GLB1L2: variants seen among roughly 807,000 people sequenced by gnomAD.
GLB1L2 encodes galactosidase beta 1 like 2, also known as beta-galactosidase-1-like protein 2.
GLB1L2 carries 68 observed loss-of-function variants against 84.1 expected under a neutral mutation model. The observed-to-expected ratio is 0.81, with a 90% confidence interval of 0.67 to 0.99. The LOEUF is 0.99. Ranked by LOEUF, GLB1L2 falls within the 50% of genes least tolerant of loss-of-function variation. The pLI is 0.00. For synonymous variants in GLB1L2, 290 were observed against 318.0 expected, an observed-to-expected ratio of 0.91 and a Z score of 0.94; for missense variants, 762 against 805.6, an observed-to-expected ratio of 0.95 and a Z score of 0.66.
intron 14 of GLB1L2, 95 bp from the exon 15 acceptor site, chr11:134,371,657 C>A: frequency 7.8e-7 from 1 of 1,277,392 alleles, no homozygotes; most frequent in Non-Finnish European, 1.1e-6. Flanking sequence ...ACACTCCCAT[C>A]CCCAGAGCGT....
chr11:134,374,502 G>A (rs1288724604), intron 17 of GLB1L2, 100 bp from the exon 18 acceptor site: 10 of 942,758 alleles, frequency 1.1e-5, no homozygotes, highest in African/African-American at 6.4e-5. Context: ...GACACAGCTC[G>A]CTTTGGTCTC....
intron 15 of GLB1L2, chr11:134,372,566 A>C (rs558762856): frequency 6.6e-6 from 1 of 151,980 alleles, no homozygotes; most frequent in Admixed American, 6.6e-5. Context: ...CTTCCTTTTT[A>C]AAAAAAATCT....
chr11:134,352,856 C>T (rs1011030646), intron 5 of GLB1L2, among the ~76,000 whole-genome samples: 3 of 152,018 alleles, frequency 2.0e-5, no homozygotes, highest in Non-Finnish European at 4.4e-5. Context: ...CCTTGTTGGC[C>T]GGGCTGGTCT....
At position 134,373,786 on chromosome 11, in the gene GLB1L2, A is replaced by G. The variant is rs540074169; in HGVS notation, c.1573A>G (p.Met525Val). 2 of 1,611,002 alleles carry G rather than the reference A, an allele frequency of 1.2e-6. No individual in the cohort carries two copies. Among genetic ancestry groups the G allele is most frequent in the East Asian group, 2.2e-5 (1 of 44,862 alleles). ...AAACTTCAGAATCTATAGCCTGGATATGAAGAAGAGCTTCTTTCAGAGGTG... is the reference window on the plus strand; with the variant it reads ...AAACTTCAGAATCTATAGCCTGGATGTGAAGAAGAGCTTCTTTCAGAGGTG... ...LKNFRIYSLD[M>V]KKSFFQRFGL... Residue 525 changes from methionine (M) to valine (V), a missense_variant, in exon 16 of 19, where the codon ATG becomes GTG. This residue lies in a region of GLB1L2 where 603 missense variants were observed against 611.7 expected (regional missense o/e 0.99). Coordinates refer to ENST00000535456, the MANE Select transcript of GLB1L2 (RefSeq NM_001370461.1).
chr11:134,363,419 G>C (rs1027323644), intron 7 of GLB1L2, among the ~76,000 whole-genome samples: 6 of 152,334 alleles, frequency 3.9e-5, no homozygotes, highest in African/African-American at 1.2e-4. Context: ...TGTGTGCCTA[G>C]GCTGTGCCTG....
intron 7 of GLB1L2, chr11:134,359,825 C>G (rs749313300): frequency 6.6e-6 from 1 of 152,384 alleles, no homozygotes; most frequent in East Asian, 1.9e-4. Flanking sequence ...TTGCTCACAC[C>G]GTTTCACCCT....
At chr11:134,353,182 G>T (rs1943656294) in intron 5 of GLB1L2, among the ~76,000 whole-genome samples, 1 of 152,110 alleles carries the variant, frequency 6.6e-6, no homozygotes, top group African/African-American at 2.4e-5. Context: ...GCCGAGGCAA[G>T]TGGAACACTT....
At chr11:134,332,657 G>A (rs986296920) in intron 1 of GLB1L2, among the ~76,000 whole-genome samples, 1 of 152,148 alleles carries the variant, frequency 6.6e-6, no homozygotes, top group Non-Finnish European at 1.5e-5. Context: ...CAGTGTCCGT[G>A]GGCCTCCAAG....
At chr11:134,351,333 T>A (rs1225510301) in intron 5 of GLB1L2, among the ~76,000 whole-genome samples, 1 of 144,900 alleles carries the variant, frequency 6.9e-6, no homozygotes, top group Non-Finnish European at 1.5e-5. Flanking sequence ...CATTGATTGA[T>A]TCTTTTTCTT....
At chr11:134,364,523 C>T (rs1943840015) in intron 8 of GLB1L2, 125 bp downstream of exon 8, 13 of 745,528 alleles carry the variant, frequency 1.7e-5, no homozygotes, top group Middle Eastern at 3.7e-4. Context: ...TGGCCTCTGG[C>T]CCCCCGCCCA....
Position 134,370,959 on chromosome 11 carries a change from AC to A in GLB1L2, c.1216-45del. The A allele has an allele frequency of 6.2e-7, 1 of 1,606,484 alleles. No individual in the cohort carries two copies. Among genetic ancestry groups the A allele is most frequent in the Non-Finnish European group, 8.5e-7 (1 of 1,176,160 alleles). ...AGCCCCCAGGCAGAGTCTGTCTGTG[AC>A]CCCACTCCTCCTGAGCCTGCCCACC... On this transcript the variant is annotated intron_variant, in intron 12 of 18. Coordinates refer to ENST00000535456, the MANE Select transcript of GLB1L2 (RefSeq NM_001370461.1). The surrounding 1 kb of genome is among the most constrained non-coding windows in gnomAD (Gnocchi z 4.7).
At chr11:134,332,525 C>G (rs1943316438) in intron 1 of GLB1L2, among the ~76,000 whole-genome samples, 1 of 152,160 alleles carries the variant, frequency 6.6e-6, no homozygotes, top group Non-Finnish European at 1.5e-5. Context: ...AGAGCTCCCT[C>G]TGCCCTTCCC....
chr11:134,335,669 C>A (rs1440611538), intron 1 of GLB1L2, among the ~76,000 whole-genome samples: 1 of 152,106 alleles, frequency 6.6e-6, no homozygotes, highest in Non-Finnish European at 1.5e-5. Flanking sequence ...GACAAAGAGC[C>A]TGGGCTGCAG....
rs774412808 is a variant in GLB1L2, at chr11:134,359,113, TG to T, written c.708del (p.Leu237Ter). 1 of 1,604,544 alleles carries T rather than the reference TG, an allele frequency of 6.2e-7. No homozygotes were observed. The highest frequency in any genetic ancestry group is 8.5e-7 in the Non-Finnish European group (1 of 1,175,394). Reference protein sequence around the residue: ...ELLLTSDNKDGLSKGIVQGVL... With the variant: ...ELLLTSDNKDXLSKGIVQGVL... ...TGCTCCTGACTTCAGACAACAAGGA[TG>T]GGCTGAGCAAGGGGATTGTCCAGGG... On this transcript the variant is annotated frameshift_variant, in exon 7 of 19. Coordinates refer to ENST00000535456, the MANE Select transcript of GLB1L2 (RefSeq NM_001370461.1). LOFTEE classifies it high-confidence loss of function.
chr11:134,348,102 G>T (rs771138171), intron 5 of GLB1L2, among the ~76,000 whole-genome samples: 15 of 152,252 alleles, frequency 9.9e-5, no homozygotes, highest in Middle Eastern at 3.4e-3. Context: ...ACGGCATTGA[G>T]AAATTAGTAC....
chr11:134,367,130 A>T, intron 8 of GLB1L2, 127 bp from the exon 9 acceptor site: 1 of 845,360 alleles, frequency 1.2e-6, no homozygotes, highest in Non-Finnish European at 2.0e-6. Flanking sequence ...AAAGACCTCT[A>T]AGGCAGTGGG....
chr11:134,365,423 T>C (rs1943856643), intron 8 of GLB1L2, among the ~76,000 whole-genome samples: 1 of 152,226 alleles, frequency 6.6e-6, no homozygotes, highest in South Asian at 2.1e-4. Context: ...GTGCCTCTCA[T>C]ACTTGTGACT....
chr11:134,363,225 G>C (rs577927648), intron 7 of GLB1L2, among the ~76,000 whole-genome samples: 11 of 152,186 alleles, frequency 7.2e-5, no homozygotes, highest in Non-Finnish European at 1.5e-4. Flanking sequence ...GTGTCAGGGA[G>C]ACCCAGGTGT....
chr11:134,350,284 A>G (rs752672194), intron 5 of GLB1L2, among the ~76,000 whole-genome samples: 1 of 152,142 alleles, frequency 6.6e-6, no homozygotes, highest in Non-Finnish European at 1.5e-5. Flanking sequence ...CTTCCCAAGA[A>G]ACTCAAGTTC....
Sources: gnomAD v4.1 joint callset for allele counts (sites outside exome capture counted in the v4.1 genomes callset) on GRCh38, gnomAD v4.1.1 for gene constraint, gnomAD v4.1.1 regional missense constraint, Gnocchi (gnomAD v3.1) non-coding constraint, MANE v1.5 for transcripts, NCBI Gene and HGNC (gene_info 2026-07-23, HGNC 2026-07-21) for gene names.